RPS24: variants seen among roughly 807,000 people sequenced by gnomAD.
RPS24 encodes the protein ribosomal protein S24.
For synonymous variants in RPS24, 72 were observed against 55.6 expected, an observed-to-expected ratio of 1.30 and a Z score of -1.31; for missense variants, 100 against 162.5, an observed-to-expected ratio of 0.62 and a Z score of 2.09.
At position 78,050,337 on chromosome 10, in the gene RPS24, C is replaced by T. The variant is rs539167148; in HGVS notation, c.391-4194C>T. ...CTGGTCTGTCAGCTCATGGAGCCCA[C>T]TCCCACTTACCTGGGGCTGAGGAGC... On this transcript the variant is annotated intron_variant, in intron 4 of 4. Transcript: ENST00000440692. Among the ~76,000 whole-genome samples, 42 of 152,342 alleles carry T rather than the reference C, an allele frequency of 2.8e-4. 1 individual carries two copies. In the South Asian group the frequency reaches 8.7e-3, roughly 32 times the overall value.
At position 78,037,200 on chromosome 10, in the gene RPS24, C is replaced by G; in HGVS notation, c.286C>G (p.Leu96Val). 6.2e-7 allele frequency: 1 copy of G among 1,602,004 alleles called. No individual in the cohort carries two copies. The highest frequency in any genetic ancestry group is 1.1e-5 in the South Asian group (1 of 88,876). Residue 96 changes from leucine (L) to valine (V), a missense_variant, in exon 4 of 6, where the codon CTG becomes GTG. Physicochemically the swap from Leu to Val is conservative, Grantham distance 32. Transcript: ENST00000372360. ...EPKHRLARHG[L>V]YEKKKTSRKQ... Reference sequence around the variant, plus strand: ...GTACTCTTTTCTCATTCAGCATGGCCTGTATGAGAAGAAAAAGACCTCAAG... The same window carrying G: ...GTACTCTTTTCTCATTCAGCATGGCGTGTATGAGAAGAAAAAGACCTCAAG...
chr10:78,042,010 A>T (rs1003688511), downstream of RPS24, among the ~76,000 whole-genome samples: 1 of 152,168 alleles, frequency 6.6e-6, no homozygotes, highest in Non-Finnish European at 1.5e-5. Flanking sequence ...ATTTTTCCAG[A>T]GGATCCACTT....
downstream of RPS24, among the ~76,000 whole-genome samples, chr10:78,041,315 A>G (rs1037254201): frequency 6.6e-6 from 1 of 152,222 alleles, no homozygotes; most frequent in African/African-American, 2.4e-5. Flanking sequence ...CAGCCCCTGC[A>G]TGGAGCACCT....
intron 4 of RPS24, 53 bp from the exon 5 acceptor site, chr10:78,040,151 G>A (rs758709816): frequency 6.3e-7 from 1 of 1,575,768 alleles, no homozygotes. Context: ...GACTATTAAT[G>A]AAATCTTTCT....
At position 78,055,001 on chromosome 10, in the gene RPS24, G is replaced by C. The variant is rs192862507; in HGVS notation, c.861G>C (p.Leu287=). 441 of 1,467,146 alleles carry C rather than the reference G, an allele frequency of 3.0e-4. 1 individual carries two copies. In the African/African-American group the frequency reaches 5.6e-3, roughly 19 times the overall value. The allele number at this position is 1,467,146 out of a possible 1,614,324, so 90.9% of individuals were successfully genotyped here. The change falls in exon 5 of 5, where the codon CTG becomes CTC. Residue 287 remains leucine, a synonymous_variant. Transcript: ENST00000440692. Reference sequence around the variant, plus strand: ...CCCCACCTTCCTGCCTCTCTGGTCTGGGCCACTAATGTCACTGCCATGGCC... The same window carrying C: ...CCCCACCTTCCTGCCTCTCTGGTCTCGGCCACTAATGTCACTGCCATGGCC...
intron 4 of RPS24, among the ~76,000 whole-genome samples, chr10:78,054,030 G>A (rs761787834): frequency 6.6e-6 from 1 of 152,128 alleles, no homozygotes; most frequent in Non-Finnish European, 1.5e-5. Context: ...TCCTAGTCAC[G>A]TGGTGTGGGT....
intron 4 of RPS24, among the ~76,000 whole-genome samples, chr10:78,050,358 G>A (rs1306298779): frequency 6.6e-6 from 1 of 152,202 alleles, no homozygotes; most frequent in East Asian, 1.9e-4. Context: ...CTGGGGCTGA[G>A]GAGCACCTGC....
At chr10:78,038,234 T>TC in intron 4 of RPS24, 1 of 209,566 alleles carries the variant, frequency 4.8e-6, no homozygotes. Flanking sequence ...TTTTGTAAAC[T>TC]CCAAAATGCA....
downstream of RPS24, among the ~76,000 whole-genome samples, chr10:78,044,240 C>T (rs1269810365): frequency 6.6e-6 from 1 of 151,942 alleles, no homozygotes; most frequent in Non-Finnish European, 1.5e-5. Flanking sequence ...TTTGGATGCA[C>T]AGGAGAAAGT....
chr10:78,050,956 T>C (rs1848093202), intron 4 of RPS24, among the ~76,000 whole-genome samples: 1 of 152,144 alleles, frequency 6.6e-6, no homozygotes, highest in African/African-American at 2.4e-5. Context: ...TTTGGGAGGC[T>C]GAGGCGAGCA....
In RPS24 at chr10:78,035,393, C is replaced by T; in HGVS notation, c.45C>T (p.Asn15=). 2 of 1,614,154 alleles carry T rather than the reference C, an allele frequency of 1.2e-6. No individual in the cohort carries two copies. The highest frequency in any genetic ancestry group is 8.5e-7 in the Non-Finnish European group (1 of 1,180,014). Residue 15 remains asparagine, a synonymous_variant, in exon 2 of 6, where the codon AAC becomes AAT. Transcript: ENST00000372360. ...TCCGCACTAGAAAGTTCATGACCAA[C>T]CGACTACTTCAGAGGAAACAAATGG... ...VTIRTRKFMT[N]RLLQRKQMVI... is the part of the protein sequence containing the mutation.
chr10:78,054,714 G>T (rs745348586), exon 5 of RPS24: 26 of 1,551,580 alleles, frequency 1.7e-5, no homozygotes, highest in Admixed American at 7.8e-5. Context: ...GTATTTACAG[G>T]TGGCCGTTAC....
chr10:78,046,451 T>G (rs1211551271), intron 4 of RPS24, among the ~76,000 whole-genome samples: 1 of 148,044 alleles, frequency 6.8e-6, no homozygotes, highest in Non-Finnish European at 1.5e-5. Context: ...CTCCACCTTC[T>G]GGGTTCAAGT....
At chr10:78,052,457 T>G (rs1848108688) in intron 4 of RPS24, among the ~76,000 whole-genome samples, 1 of 152,230 alleles carries the variant, frequency 6.6e-6, no homozygotes, top group East Asian at 1.9e-4. Context: ...TATTACCTTT[T>G]GTCCTGGAAA....
intron 4 of RPS24, among the ~76,000 whole-genome samples, chr10:78,048,090 C>T (rs1233541394): frequency 6.6e-6 from 1 of 152,146 alleles, no homozygotes. Flanking sequence ...CTGCCTTGTG[C>T]TTTTCAAGGA....
intron 4 of RPS24, chr10:78,039,742 G>C (rs1374390719): frequency 5.6e-6 from 1 of 177,220 alleles, no homozygotes; most frequent in African/African-American, 2.4e-5. Flanking sequence ...TTGAACTGAG[G>C]CAGCTTTTAA....
downstream of RPS24, among the ~76,000 whole-genome samples, chr10:78,042,919 A>G (rs1051361187): frequency 2.0e-5 from 3 of 152,194 alleles, no homozygotes; most frequent in East Asian, 5.8e-4. Flanking sequence ...TAAAGACAGC[A>G]TCTTACATGG....
chr10:78,041,740 T>TGGGAC (rs891582262), downstream of RPS24, among the ~76,000 whole-genome samples: 7 of 151,800 alleles, frequency 4.6e-5, no homozygotes, highest in African/African-American at 1.7e-4. Context: ...TGGGATGGGA[T>TGGGAC]GGGACAGGAC....
chr10:78,045,795 A>G (rs1848037299), intron 4 of RPS24, among the ~76,000 whole-genome samples: 1 of 151,764 alleles, frequency 6.6e-6, no homozygotes, highest in Non-Finnish European at 1.5e-5. Context: ...ACTTGACGTC[A>G]GGAGTTCGAG....
Sources: gnomAD v4.1 joint callset for allele counts (sites outside exome capture counted in the v4.1 genomes callset) on GRCh38, gnomAD v4.1.1 for gene constraint, MANE v1.5 for transcripts, NCBI Gene and HGNC (gene_info 2026-07-23, HGNC 2026-07-21) for gene names.